The following USP14 variants were observed in gnomAD, a reference collection of about 807,000 sequenced individuals.
USP14 encodes ubiquitin carboxyl-terminal hydrolase 14.
USP14 carries 38 observed loss-of-function variants against 76.5 expected under a neutral mutation model. That is an observed-to-expected ratio of 0.50 (90% CI 0.38 to 0.65). The LOEUF is 0.65. Among genes scored for constraint, USP14 ranks in the 30% least tolerant of loss-of-function variants. USP14 has a pLI of 0.00. For synonymous variants in USP14, 192 were observed against 191.7 expected (o/e 1.00, Z -0.01); for missense variants, 467 against 586.5 (o/e 0.80, Z 2.10).
chr18:169,841 A>T (rs1312763171), intron 3 of USP14, among the ~76,000 whole-genome samples: 1 of 152,004 alleles, frequency 6.6e-6, no homozygotes, highest in Non-Finnish European at 1.5e-5. Flanking sequence ...TTGATCTTTG[A>T]TGTTACTTTT....
At chr18:162,802 CT>C (rs562971458) in intron 1 of USP14, among the ~76,000 whole-genome samples, 202 of 144,754 alleles carry the variant, frequency 1.4e-3, no homozygotes, top group Admixed American at 1.4e-3. Flanking sequence ...GTCTCAGTTT[CT>C]TTTTTTTTTT....
chr18:204,508 T>C, intron 12 of USP14, 56 bp from the exon 13 acceptor site: 1 of 1,361,968 alleles, frequency 7.3e-7, no homozygotes, highest in Non-Finnish European at 9.8e-7. Context: ...TGTGATACTT[T>C]AAATAAATAT....
chr18:195,497 G>T (rs143014424), intron 6 of USP14, among the ~76,000 whole-genome samples: 50 of 152,304 alleles, frequency 3.3e-4, no homozygotes, highest in African/African-American at 1.2e-3. Flanking sequence ...ACATGAAGGA[G>T]GGCAAGGTAT....
At chr18:179,514 C>T (rs1240141144) in intron 4 of USP14, among the ~76,000 whole-genome samples, 4 of 150,156 alleles carry the variant, frequency 2.7e-5, no homozygotes, top group African/African-American at 9.8e-5. Flanking sequence ...CTGGTCAACA[C>T]GTGTCAATTT....
chr18:161,593 G>A (rs1909120638), intron 1 of USP14, among the ~76,000 whole-genome samples: 1 of 152,080 alleles, frequency 6.6e-6, no homozygotes, highest in African/African-American at 2.4e-5. Context: ...TAGGCTGTAA[G>A]TTTATGGAGA....
chr18:181,010 C>A (rs1376412589), intron 5 of USP14, among the ~76,000 whole-genome samples: 2 of 151,570 alleles, frequency 1.3e-5, no homozygotes, highest in African/African-American at 4.9e-5. Flanking sequence ...ACACGTAACA[C>A]CTCATTCCTA....
At chr18:199,564 T>C (rs2143075265) in intron 10 of USP14, among the ~76,000 whole-genome samples, 2 of 152,196 alleles carry the variant, frequency 1.3e-5, no homozygotes, top group East Asian at 3.8e-4. Flanking sequence ...AAATTTCTGC[T>C]TTTTGTTGGT....
chr18:163,463 A>G lies in USP14; in HGVS notation c.162+10A>G. On this transcript the variant is annotated intron_variant, in intron 2 of 15. Coordinates refer to ENST00000261601, the MANE Select transcript of USP14 (RefSeq NM_005151.4). ...AGGAGGAACGCTAAAGGTAAAATGT[A>G]GTCCAAATTTTCATCACATTACTAT... The G allele has an allele frequency of 1.3e-6, 2 of 1,596,934 alleles. No individual in the cohort carries two copies. Among genetic ancestry groups the G allele is most frequent in the Non-Finnish European group, 1.7e-6 (2 of 1,173,526 alleles).
chr18:169,534 T>A (rs1270770470), intron 3 of USP14, among the ~76,000 whole-genome samples: 2 of 152,144 alleles, frequency 1.3e-5, no homozygotes, highest in Non-Finnish European at 2.9e-5. Context: ...CATTGATTTT[T>A]AACTTAAACC....
chr18:192,164 G>GACCTACAACCTT (rs1415930116), intron 5 of USP14, among the ~76,000 whole-genome samples: 3 of 133,958 alleles, frequency 2.2e-5, no homozygotes, highest in African/African-American at 9.4e-5. Flanking sequence ...ATTTTTGATT[G>GACCTACAACCTT]AATGTTTTTG....
intron 3 of USP14, among the ~76,000 whole-genome samples, chr18:178,388 TC>T (rs1270253244): frequency 2.0e-5 from 3 of 152,116 alleles, no homozygotes; most frequent in Non-Finnish European, 4.4e-5. Context: ...TTTGAGGAAT[TC>T]CCTCTGCTTC....
chr18:178,041 A>T (rs1258496525), intron 3 of USP14, among the ~76,000 whole-genome samples: 1 of 151,990 alleles, frequency 6.6e-6, no homozygotes, highest in African/African-American at 2.4e-5. Flanking sequence ...ATTTTTTGAG[A>T]CGGGGTCTCC....
rs1910672206 is a variant in USP14, at chr18:211,638, ACTG to A, written c.*356_*358del. The A allele has an allele frequency of 5.7e-6, 1 of 175,930 alleles. No homozygotes were observed. Among genetic ancestry groups the A allele is most frequent in the Non-Finnish European group, 1.2e-5 (1 of 83,406 alleles). 10.9% of individuals were successfully genotyped at this position (175,930 alleles called of 1,614,324 possible). A position where few individuals can be genotyped will look rare whatever the true frequency, so the allele number is the denominator to read the frequency against. ...CCCAAGATTCAGCAGTCAGATGTTT[ACTG>A]CACACCTATTACCTATTATTTGCTG... On this transcript the variant is annotated 3_prime_UTR_variant, in exon 16 of 16. Coordinates refer to ENST00000261601, the MANE Select transcript of USP14 (RefSeq NM_005151.4).
At chr18:163,670 G>A (rs963318491) in intron 2 of USP14, among the ~76,000 whole-genome samples, 1 of 152,014 alleles carries the variant, frequency 6.6e-6, no homozygotes, top group Non-Finnish European at 1.5e-5. Flanking sequence ...TAAAAACATC[G>A]TTTTAAAACT....
At chr18:162,055 C>T (rs1909135294) in intron 1 of USP14, among the ~76,000 whole-genome samples, 1 of 152,140 alleles carries the variant, frequency 6.6e-6, no homozygotes. Context: ...ATCCATGTTG[C>T]AGCATGTATA....
intron 7 of USP14, 31 bp from the exon 8 acceptor site, chr18:197,585 A>C (rs1381789434): frequency 5.8e-6 from 9 of 1,559,052 alleles, no homozygotes; most frequent in Non-Finnish European, 7.9e-6. Flanking sequence ...CACTGCCAGG[A>C]TTACTTACTT....
chr18:179,766 A>ATT (rs1277005564), intron 4 of USP14, among the ~76,000 whole-genome samples: 4 of 135,770 alleles, frequency 2.9e-5, no homozygotes, highest in Non-Finnish European at 4.7e-5. Context: ...AAAAAAAAAA[A>ATT]TTTTTTTTTT....
intron 3 of USP14, among the ~76,000 whole-genome samples, chr18:169,482 T>C (rs953506329): frequency 6.9e-5 from 10 of 145,560 alleles, no homozygotes; most frequent in African/African-American, 2.5e-4. Context: ...AATGATGGTG[T>C]GATTTTTTTT....
At chr18:207,876 A>G (rs973205190) in intron 13 of USP14, among the ~76,000 whole-genome samples, 1 of 152,104 alleles carries the variant, frequency 6.6e-6, no homozygotes, top group Non-Finnish European at 1.5e-5. Context: ...TTCATTGTCT[A>G]GAGTGGCTAG....
Sources: allele counts gnomAD v4.1 joint callset (sites outside exome capture counted in the v4.1 genomes callset), GRCh38; gene constraint gnomAD v4.1.1; transcripts MANE v1.5; gene names NCBI Gene and HGNC (gene_info 2026-07-23, HGNC 2026-07-21).